MYO5A: variants seen among roughly 807,000 people sequenced by gnomAD.
The protein encoded by MYO5A is myosin VA, also known as unconventional myosin-Va.
Under a neutral mutation model 249.7 loss-of-function variants are expected in MYO5A, and 98 were observed. The observed-to-expected ratio is 0.39, with a 90% CI of 0.33 to 0.46. The LOEUF is 0.46. Among genes scored for constraint, MYO5A ranks in the 20% least tolerant of loss-of-function variants. The probability of loss-of-function intolerance (pLI) is 0.98; values close to 1 mark genes in which losing one functional copy is unlikely to be tolerated. For missense variants in MYO5A, 1,696 were observed against 2,308.8 expected, an observed-to-expected ratio of 0.73 and a Z score of 5.44; for synonymous variants, 778 against 810.6, an observed-to-expected ratio of 0.96 and a Z score of 0.68.
At position 52,461,206 on chromosome 15, in the gene MYO5A, G is replaced by C. The variant is rs148178096; in HGVS notation, c.28-27921C>G. Among the ~76,000 whole-genome samples the C allele has an allele frequency of 5.9e-5, 9 of 152,264 alleles. No homozygotes were observed. In the East Asian group the frequency reaches 1.5e-3, roughly 26 times the overall value. On this transcript the variant is annotated intron_variant, in intron 1 of 41. Coordinates refer to ENST00000399233, the MANE Select transcript of MYO5A (RefSeq NM_001382347.1). ...GGGCTCAAGCGATCCTCCTACTTCA[G>C]CCTCCCAAAGTGCTGGGATTATAGG...
chr15:52,310,025 A>G lies in MYO5A; in HGVS notation c.*3671T>C, dbSNP rs1359141609. 6.6e-6 allele frequency: 1 copy of G among 152,234 alleles called. No individual in the cohort carries two copies. The highest frequency in any genetic ancestry group is 1.5e-5 in the Non-Finnish European group (1 of 68,040). 9.4% of individuals were successfully genotyped at this position (152,234 alleles called of 1,614,324 possible). On this transcript the variant is annotated 3_prime_UTR_variant, in exon 42 of 42. Transcript: ENST00000399233. Reference sequence around the variant, plus strand: ...ATAGCCTCCCCTAACATGTAGCTGTAACCTTAGTAAAAGATTTGATCTATA... The same window carrying G: ...ATAGCCTCCCCTAACATGTAGCTGTGACCTTAGTAAAAGATTTGATCTATA...
At chr15:52,462,651 C>T (rs545645721) in intron 1 of MYO5A, among the ~76,000 whole-genome samples, 1 of 152,206 alleles carries the variant, frequency 6.6e-6, no homozygotes, top group East Asian at 1.9e-4. Context: ...AGTTCCAGAC[C>T]AGCCTGGCCA....
At chr15:52,444,877 T>A (rs531306836) in intron 1 of MYO5A, among the ~76,000 whole-genome samples, 1 of 152,162 alleles carries the variant, frequency 6.6e-6, no homozygotes, top group Non-Finnish European at 1.5e-5. Flanking sequence ...CATGGTAAGA[T>A]TTAAGGAATC....
chr15:52,390,218 A>C (rs1479826334), intron 12 of MYO5A, among the ~76,000 whole-genome samples: 1 of 152,168 alleles, frequency 6.6e-6, no homozygotes, highest in African/African-American at 2.4e-5. Context: ...AATAAGCCCT[A>C]GTATTTGATA....
intron 1 of MYO5A, among the ~76,000 whole-genome samples, chr15:52,501,401 ACCAG>A (rs767493829): frequency 1.3e-5 from 2 of 152,122 alleles, no homozygotes; most frequent in Non-Finnish European, 2.9e-5. Context: ...AGGGCTCAAG[ACCAG>A]CCTAGGCAAC....
intron 1 of MYO5A, among the ~76,000 whole-genome samples, chr15:52,522,795 C>T (rs1010499697): frequency 4.0e-5 from 6 of 151,502 alleles, no homozygotes; most frequent in Non-Finnish European, 8.8e-5. Context: ...CAGTTAAATC[C>T]CTGGAAGCCC....
At chr15:52,512,792 T>C (rs1000253899) in intron 1 of MYO5A, among the ~76,000 whole-genome samples, 1 of 152,218 alleles carries the variant, frequency 6.6e-6, no homozygotes, top group Non-Finnish European at 1.5e-5. Flanking sequence ...CTCTCAATTA[T>C]GTTTTAATAT....
At chr15:52,461,735 G>A (rs917125537) in intron 1 of MYO5A, among the ~76,000 whole-genome samples, 5 of 152,204 alleles carry the variant, frequency 3.3e-5, no homozygotes, top group African/African-American at 1.2e-4. Flanking sequence ...GGCTGAGGTG[G>A]GCAGATCGCG....
intron 1 of MYO5A, among the ~76,000 whole-genome samples, chr15:52,520,570 C>T (rs56849428): frequency 0.15 from 22,677 of 152,208 alleles, 1,800 homozygotes; most frequent in Middle Eastern, 0.22. Flanking sequence ...AGCCTTGATT[C>T]CAGCCATGCC....
chr15:52,314,902 G>T (rs2037925370), intron 40 of MYO5A, among the ~76,000 whole-genome samples: 2 of 152,116 alleles, frequency 1.3e-5, no homozygotes, highest in South Asian at 4.1e-4. Flanking sequence ...TACAACAGTA[G>T]TAGTCACTAG....
At chr15:52,518,612 G>A (rs899597587) in intron 1 of MYO5A, among the ~76,000 whole-genome samples, 3 of 152,148 alleles carry the variant, frequency 2.0e-5, no homozygotes, top group Non-Finnish European at 2.9e-5. Flanking sequence ...CCAACCCCGT[G>A]TAAAAGTTGT....
intron 30 of MYO5A, among the ~76,000 whole-genome samples, chr15:52,346,028 G>A (rs1236637950): frequency 6.6e-6 from 1 of 152,176 alleles, no homozygotes; most frequent in African/African-American, 2.4e-5. Flanking sequence ...TAACCATCCT[G>A]AATAACAAAT....
At position 52,327,948 on chromosome 15, in the gene MYO5A, C is replaced by A. The variant is rs201376683; in HGVS notation, c.4614G>T (p.Leu1538=). The change falls in exon 36 of 42, where the codon CTG becomes CTT. Residue 1538 remains leucine, a synonymous_variant. Coordinates refer to ENST00000399233, the MANE Select transcript of MYO5A (RefSeq NM_001382347.1). ...AGTCAGCATGTCGAACACACATGAA[C>A]AGGATATATGCCGGTAATCCTGGAA... The part of the protein sequence containing the change: ...NLIPGLPAYI[L]FMCVRHADYL... 78 of 1,613,478 alleles carry A rather than the reference C, an allele frequency of 4.8e-5. No homozygotes were observed. The highest frequency in any genetic ancestry group is 1.2e-4 in the Admixed American group (7 of 59,992).
chr15:52,346,246 C>A (rs145608586), intron 30 of MYO5A, 115 bp downstream of exon 30: 87 of 692,442 alleles, frequency 1.3e-4, no homozygotes, highest in South Asian at 6.4e-4. Flanking sequence ...CTTTGAAGGC[C>A]AGTTAATGTC....
intron 1 of MYO5A, among the ~76,000 whole-genome samples, chr15:52,450,852 T>TC (rs1227872185): frequency 6.9e-6 from 1 of 145,832 alleles, no homozygotes; most frequent in Non-Finnish European, 1.5e-5. Flanking sequence ...GGTTTTTTTT[T>TC]TTTTTTTTTT....
chr15:52,360,291 T>C (rs2040453870), intron 24 of MYO5A, among the ~76,000 whole-genome samples: 1 of 152,162 alleles, frequency 6.6e-6, no homozygotes, highest in Admixed American at 6.5e-5. Context: ...ACAAGAACAG[T>C]TGCAAAACCA....
At chr15:52,320,823 C>T (rs181075840) in intron 38 of MYO5A, among the ~76,000 whole-genome samples, 2 of 152,188 alleles carry the variant, frequency 1.3e-5, no homozygotes, top group African/African-American at 4.8e-5. Context: ...ACCATCCTGG[C>T]TAACACGGTG....
At chr15:52,392,156 A>G in intron 11 of MYO5A, 86 bp from the exon 12 acceptor site, 1 of 1,358,382 alleles carries the variant, frequency 7.4e-7, no homozygotes. Context: ...AATTTGAGAT[A>G]ATCTGTGGCT....
intron 34 of MYO5A, among the ~76,000 whole-genome samples, chr15:52,334,720 C>T (rs1343317458): frequency 6.6e-6 from 1 of 152,142 alleles, no homozygotes; most frequent in African/African-American, 2.4e-5. Context: ...ATGCTAGGTG[C>T]TGTGAAAGCA....
Sources: allele counts gnomAD v4.1 joint callset (sites outside exome capture counted in the v4.1 genomes callset), GRCh38; gene constraint gnomAD v4.1.1; transcripts MANE v1.5; gene names NCBI Gene and HGNC (gene_info 2026-07-23, HGNC 2026-07-21).